The following CRB2 variants were observed in gnomAD, a reference collection of about 807,000 sequenced individuals.
The protein encoded by CRB2 is crumbs cell polarity complex component 2, also known as protein crumbs homolog 2.
CRB2 carries 85 observed loss-of-function variants against 110.9 expected under a neutral mutation model. The observed-to-expected ratio is 0.77, with a 90% CI of 0.64 to 0.92. CRB2 has a LOEUF of 0.92. Among genes scored for constraint, CRB2 ranks in the 40% least tolerant of loss-of-function variants. The pLI, the probability that CRB2 is intolerant of heterozygous loss-of-function variation, is 0.00. For synonymous variants in CRB2, 907 were observed against 831.0 expected (o/e 1.09, Z -1.57); for missense variants, 1,843 against 1,851.3 (o/e 1.00, Z 0.08).
At chr9:123,365,876 G>GGTGTCCATCCTGCACCCTGT in intron 2 of CRB2, 41 bp from the exon 3 acceptor site, 1 of 1,539,398 alleles carries the variant, frequency 6.5e-7, no homozygotes, top group Non-Finnish European at 8.7e-7. Context: ...CCCTGCTCTG[G>GGTGTCCATCCTGCACCCTGT]GTGTCCATCC....
intron 1 of CRB2, among the ~76,000 whole-genome samples, chr9:123,362,005 G>A (rs1449938521): frequency 1.3e-5 from 2 of 152,232 alleles, no homozygotes; most frequent in Non-Finnish European, 2.9e-5. Flanking sequence ...GCATCATGGT[G>A]GCCAGGGGCA....
Position 123,377,059 on chromosome 9 carries a change from C to A in CRB2, c.3855C>A (p.Ile1285=). The stretch of plus-strand genomic sequence containing the variant: ...AGGTGCCACCGGAGGAGAGACTCAT[C>A]TAGGCCAGCCTGGCTGCTGGCACCA... ...VLKVPPEERL[I] The change falls in exon 13 of 13, where the codon ATC becomes ATA. Residue 1285 remains isoleucine, a synonymous_variant. Coordinates refer to ENST00000373631, the MANE Select transcript of CRB2 (RefSeq NM_173689.7). 1 of 1,550,770 alleles carries A rather than the reference C, an allele frequency of 6.4e-7. No individual in the cohort carries two copies. Among genetic ancestry groups the A allele is most frequent in the Non-Finnish European group, 8.7e-7 (1 of 1,147,828 alleles).
chr9:123,366,944 CAAAAA>C (rs3050063), intron 4 of CRB2, among the ~76,000 whole-genome samples: 5 of 133,980 alleles, frequency 3.7e-5, no homozygotes, highest in South Asian at 2.5e-4. Flanking sequence ...GATTCTATCT[CAAAAA>C]AAAAAAAAAA....
chr9:123,360,975 G>C (rs1276054299), intron 1 of CRB2, among the ~76,000 whole-genome samples: 1 of 152,036 alleles, frequency 6.6e-6, no homozygotes, highest in Non-Finnish European at 1.5e-5. Flanking sequence ...CTGTCTCCCG[G>C]GCTCTGTCAT....
Position 123,363,100 on chromosome 9 carries a change from T to C in CRB2, c.330T>C (p.Asp110=). The C allele has an allele frequency of 1.2e-6, 2 of 1,611,518 alleles. No homozygotes were observed. The highest frequency in any genetic ancestry group is 1.1e-5 in the South Asian group (1 of 91,072). The change falls in exon 2 of 13, where the codon GAT becomes GAC. Residue 110 remains aspartate (D), a synonymous_variant. Coordinates refer to ENST00000373631, the MANE Select transcript of CRB2 (RefSeq NM_173689.7). ...FQGPRCELDI[D]ECASRPCHHG... ...GCCCACGCTGCGAGCTGGACATCGA[T>C]GAGTGTGCATCCCGGCCGTGCCACC...
Position 123,374,183 on chromosome 9 carries a change from T to C in CRB2, c.3389+263T>C, listed in dbSNP as rs114763962. Reference sequence around the variant, plus strand: ...TGCCGCTTACACGGAGGTTCATCCCTATTGGTGGCTGGTTGGGGTGGAGGG... The same window carrying C: ...TGCCGCTTACACGGAGGTTCATCCCCATTGGTGGCTGGTTGGGGTGGAGGG... On this transcript the variant is annotated intron_variant, in intron 10 of 12. Transcript: ENST00000373631. The C allele has an allele frequency of 0.021, 12,908 of 620,576 alleles. 337 individuals carry two copies. The highest frequency in any genetic ancestry group is 0.098 in the African/African-American group (5,215 of 53,288). The allele number at this position is 620,576 out of a possible 1,614,324, so 38.4% of individuals were successfully genotyped here. A position where few individuals can be genotyped will look rare whatever the true frequency, so the allele number is the denominator to read the frequency against.
upstream of CRB2, among the ~76,000 whole-genome samples, chr9:123,355,739 G>C (rs1295603096): frequency 6.7e-6 from 1 of 150,292 alleles, no homozygotes; most frequent in Non-Finnish European, 1.5e-5. Context: ...GGGGGGACGA[G>C]CTGGGTGGGA....
At position 123,376,930 on chromosome 9, in the gene CRB2, T is replaced by TTCAG; in HGVS notation, c.3727_3730dup (p.Gly1244ValfsTer13). On this transcript the variant is annotated frameshift_variant, in exon 13 of 13. Coordinates refer to ENST00000373631, the MANE Select transcript of CRB2 (RefSeq NM_173689.7). LOFTEE classifies it high-confidence loss of function. ...TCCTCCTCCTCCTCCTGGGCCTCCT[T>TTCAG]TCAGGGATCCTGGCAGCCCGAAAGC... 6.2e-7 allele frequency: 1 copy of TTCAG among 1,608,242 alleles called. No homozygotes were observed. Among genetic ancestry groups the TTCAG allele is most frequent in the Non-Finnish European group, 8.5e-7 (1 of 1,178,448 alleles).
In CRB2 at chr9:123,374,639, T is replaced by G; in HGVS notation, c.3450T>G (p.Cys1150Trp). The G allele has an allele frequency of 1.2e-6, 2 of 1,613,276 alleles. No individual in the cohort carries two copies. The highest frequency in any genetic ancestry group is 1.7e-6 in the Non-Finnish European group (2 of 1,179,958). ...TCACCTGCCTCGATGGCAGCCCATG[T>G]GAGGGTGGCTCTCCCGCTGCCAACT... is the stretch of plus-strand genomic sequence containing the variant. Reference protein sequence around the residue: ...LNVTCLDGSPCEGGSPAANCS... With the variant: ...LNVTCLDGSPWEGGSPAANCS... The change falls in exon 11 of 13, where the codon TGT becomes TGG. Residue 1150 changes from cysteine to tryptophan, a missense_variant. Cys to Trp is a radical substitution (Grantham distance 215, BLOSUM62 -2). Coordinates refer to ENST00000373631, the MANE Select transcript of CRB2 (RefSeq NM_173689.7).
chr9:123,367,588 T>C lies in CRB2; in HGVS notation c.956T>C (p.Val319Ala). 2 of 1,559,484 alleles carry C rather than the reference T, an allele frequency of 1.3e-6. No individual in the cohort carries two copies. The highest frequency in any genetic ancestry group is 1.4e-5 in the African/African-American group (1 of 73,444). ...PPGFEGADCG[V>A]EVDECASRPC... ...CCTCTTACAGGAGCCGACTGCGGTG[T>C]GGAGGTGGACGAGTGTGCCTCACGG... The change falls in exon 6 of 13, where the codon GTG becomes GCG. Residue 319 changes from valine (V) to alanine (A), a missense_variant. By Grantham distance (64) the Val-to-Ala change is moderately conservative. Coordinates refer to ENST00000373631, the MANE Select transcript of CRB2 (RefSeq NM_173689.7).
upstream of CRB2, among the ~76,000 whole-genome samples, chr9:123,354,353 C>T (rs2041777349): frequency 6.6e-6 from 1 of 152,258 alleles, no homozygotes; most frequent in Non-Finnish European, 1.5e-5. Context: ...TCTGTGCATC[C>T]AGAGAACCAG....
rs967819109 is a variant in CRB2 at position 123,378,098 on chromosome 9, T to G, written c.*1036T>G. On this transcript the variant is annotated 3_prime_UTR_variant, in exon 13 of 13. Coordinates refer to ENST00000373631, the MANE Select transcript of CRB2 (RefSeq NM_173689.7). ...CTGGTGAGCTCACTCCTTCCCCTGA[T>G]GACTGGCTGCCTCTACACAGACTCG... 7 of 152,472 alleles carry G rather than the reference T, an allele frequency of 4.6e-5. No homozygotes were observed. Among genetic ancestry groups the G allele is most frequent in the Non-Finnish European group, 8.8e-5 (6 of 68,240 alleles). 9.4% of individuals were successfully genotyped at this position (152,472 alleles called of 1,614,324 possible).
chr9:123,379,096 C>T (rs745332414), downstream of CRB2, among the ~76,000 whole-genome samples: 33 of 132,698 alleles, frequency 2.5e-4, no homozygotes, highest in Non-Finnish European at 4.4e-4. Flanking sequence ...TGAGCCACCG[C>T]GCCCGGCCCG....
Position 123,362,895 on chromosome 9 carries a change from G to A in CRB2, c.125G>A (p.Cys42Tyr). 1 of 1,589,430 alleles carries A rather than the reference G, an allele frequency of 6.3e-7. No homozygotes were observed. The highest frequency in any genetic ancestry group is 8.6e-7 in the Non-Finnish European group (1 of 1,160,526). Residue 42 changes from cysteine (C) to tyrosine (Y), a missense_variant, in exon 2 of 13, where the codon TGT becomes TAT. Transcript: ENST00000373631. ...GTGCCTTCAGAGCCCCCCAGTGCCTGTGCCTCAGACCCGTGCGCTCCAGGG... is the reference window on the plus strand; with the variant it reads ...GTGCCTTCAGAGCCCCCCAGTGCCTATGCCTCAGACCCGTGCGCTCCAGGG... ...GTVPSEPPSA[C>Y]ASDPCAPGTE...
intron 10 of CRB2, 158 bp downstream of exon 10, chr9:123,374,078 G>T (rs969044994): frequency 1.0e-6 from 1 of 992,646 alleles, no homozygotes; most frequent in Non-Finnish European, 1.5e-6. Context: ...TAAATTTCCT[G>T]ATAAAATACA....
chr9:123,357,685 G>T (rs758339006), intron 1 of CRB2, among the ~76,000 whole-genome samples: 1 of 152,072 alleles, frequency 6.6e-6, no homozygotes, highest in Non-Finnish European at 1.5e-5. Context: ...GTGAGATCCC[G>T]GTCTGTGGAT....
intron 1 of CRB2, among the ~76,000 whole-genome samples, chr9:123,361,588 G>T (rs1209320595): frequency 8.9e-6 from 1 of 111,878 alleles, no homozygotes; most frequent in Admixed American, 1.0e-4. Context: ...TGGGGGAGGG[G>T]CACCTTTGGG....
chr9:123,369,807 G>T (rs942784847), intron 6 of CRB2, among the ~76,000 whole-genome samples: 4 of 152,204 alleles, frequency 2.6e-5, no homozygotes, highest in African/African-American at 4.8e-5. Context: ...CGAACTGGGG[G>T]ATGCGGGATG....
chr9:123,374,464 G>A (rs1455752571), intron 10 of CRB2, 115 bp from the exon 11 acceptor site: 1 of 715,902 alleles, frequency 1.4e-6, no homozygotes, highest in East Asian at 2.5e-5. Context: ...CCCAATAGAG[G>A]AAGGCCCTGA....
Sources: allele counts gnomAD v4.1 joint callset (sites outside exome capture counted in the v4.1 genomes callset), GRCh38; gene constraint gnomAD v4.1.1; transcripts MANE v1.5; gene names NCBI Gene and HGNC (gene_info 2026-07-23, HGNC 2026-07-21).